The following DACH2 variants were observed in gnomAD, a reference collection of about 807,000 sequenced individuals.
The protein encoded by DACH2 is dachshund homolog 2.
DACH2 carries 17 observed loss-of-function variants against 35.8 expected under a neutral mutation model. The ratio of observed to expected loss-of-function variants is 0.48; its 90% confidence interval spans 0.33 to 0.71. The LOEUF is 0.71. DACH2 is among the 30% of genes least tolerant of loss of function. The probability of loss-of-function intolerance (pLI) is 0.02; values close to 1 mark genes in which losing one functional copy is unlikely to be tolerated. For missense variants in DACH2, 469 were observed against 472.7 expected, an observed-to-expected ratio of 0.99 and a Z score of 0.07; for synonymous variants, 195 against 177.3, an observed-to-expected ratio of 1.10 and a Z score of -0.79.
At chrX:86,730,649 G>C (rs988543372) in intron 6 of DACH2, among the ~76,000 whole-genome samples, 1 of 111,200 alleles carries the variant, frequency 9.0e-6, no homozygotes, top group African/African-American at 3.3e-5. Context: ...GATTTAAATG[G>C]GAGAGACAAA....
intron 2 of DACH2, among the ~76,000 whole-genome samples, chrX:86,507,362 C>A (rs2038338102): frequency 9.3e-6 from 1 of 107,148 alleles, no homozygotes; most frequent in African/African-American, 3.4e-5. Context: ...ATTATTTTGG[C>A]TAGTTGCAAT....
intron 2 of DACH2, among the ~76,000 whole-genome samples, chrX:86,501,895 A>G (rs75438594): frequency 9.0e-6 from 1 of 111,604 alleles, no homozygotes; most frequent in African/African-American, 3.3e-5. Context: ...AAAAAAATCA[A>G]TATATTTGGA....
At position 86,419,717 on chromosome X, in the gene DACH2, G is replaced by A. The variant is rs181319272; in HGVS notation, c.527+42855G>A. ...AATTTCATGAGAATGTTGCTGTTGT[G>A]AGGGGATTATCTCAGAAAATTATGT... On this transcript the variant is annotated intron_variant, in intron 2 of 11. Coordinates refer to ENST00000373125, the MANE Select transcript of DACH2 (RefSeq NM_053281.3). 5.4e-5 allele frequency among the ~76,000 whole-genome samples: 6 copies of A among 111,786 alleles called. No individual in the cohort carries two copies. The Admixed American group carries it at 5.7e-4, about 11-fold the overall frequency.
intron 7 of DACH2, among the ~76,000 whole-genome samples, chrX:86,780,170 C>A (rs866798049): frequency 4.4e-5 from 4 of 90,128 alleles, no homozygotes; most frequent in Admixed American, 1.3e-4. Flanking sequence ...ATATAAATAC[C>A]AAAAAAAAAA....
At chrX:86,169,934 G>A (rs1161236132) in intron 1 of DACH2, among the ~76,000 whole-genome samples, 2 of 110,718 alleles carry the variant, frequency 1.8e-5, no homozygotes, top group African/African-American at 3.3e-5. Context: ...GTGTTGAAGA[G>A]TTAGGTATTT....
intron 2 of DACH2, among the ~76,000 whole-genome samples, chrX:86,430,910 T>A (rs1196929280): frequency 8.9e-6 from 1 of 111,821 alleles, no homozygotes; most frequent in Non-Finnish European, 1.9e-5. Flanking sequence ...CGATGACATG[T>A]TTTTTGTTAC....
intron 1 of DACH2, among the ~76,000 whole-genome samples, chrX:86,176,100 A>G (rs761992830): frequency 1.9e-5 from 2 of 108,004 alleles, no homozygotes; most frequent in Admixed American, 1.9e-4. Context: ...TTTGCTAAGC[A>G]GTATGAGTAT....
chrX:86,799,096 T>G, intron 7 of DACH2: 1 of 329,701 alleles, frequency 3.0e-6, no homozygotes, highest in South Asian at 3.1e-5. Context: ...ATGGAGCAAA[T>G]AAAAAGCTAG....
chrX:86,162,930 G>C (rs930541954), intron 1 of DACH2, among the ~76,000 whole-genome samples: 2 of 110,663 alleles, frequency 1.8e-5, no homozygotes, highest in African/African-American at 6.6e-5. Context: ...TTACATAGTA[G>C]ATGTATGTAT....
intron 4 of DACH2, among the ~76,000 whole-genome samples, chrX:86,662,113 TA>T (rs1460651206): frequency 1.8e-5 from 2 of 111,987 alleles, no homozygotes; most frequent in East Asian, 2.8e-4. Context: ...TTATGCCACA[TA>T]GGGGTCATCA....
At chrX:86,737,018 C>T (rs1469050473) in intron 6 of DACH2, among the ~76,000 whole-genome samples, 1 of 111,305 alleles carries the variant, frequency 9.0e-6, no homozygotes, top group Non-Finnish European at 1.9e-5. Flanking sequence ...TATTAAATTC[C>T]TTTTATATAT....
chrX:86,830,220 G>T (rs2042599668), intron 11 of DACH2: 1 of 111,663 alleles, frequency 9.0e-6, no homozygotes, highest in Non-Finnish European at 1.9e-5. Context: ...CTTTGAGATT[G>T]CTCCAAGGAT....
intron 2 of DACH2, among the ~76,000 whole-genome samples, chrX:86,402,802 C>G (rs961163334): frequency 9.0e-6 from 1 of 111,632 alleles, no homozygotes; most frequent in Non-Finnish European, 1.9e-5. Flanking sequence ...GCTACAGTAA[C>G]CAAAAAAAGC....
chrX:86,237,729 T>C (rs1354452575), intron 1 of DACH2, among the ~76,000 whole-genome samples: 1 of 111,759 alleles, frequency 8.9e-6, no homozygotes, highest in Non-Finnish European at 1.9e-5. Flanking sequence ...TGCACATGGC[T>C]GGGCATGATG....
At chrX:86,450,242 A>G (rs1398872027) in intron 2 of DACH2, among the ~76,000 whole-genome samples, 1 of 110,542 alleles carries the variant, frequency 9.0e-6, no homozygotes, top group Non-Finnish European at 1.9e-5. Flanking sequence ...CCCCAACAAC[A>G]GGCCCCAGTG....
At chrX:86,656,824 C>T (rs6617255) in intron 4 of DACH2, among the ~76,000 whole-genome samples, 8,119 of 92,283 alleles carry the variant, frequency 0.088, 454 homozygotes, top group South Asian at 0.33. Context: ...CCATAAAATA[C>T]ATACATATGT....
intron 1 of DACH2, among the ~76,000 whole-genome samples, chrX:86,290,397 C>A (rs1490067830): frequency 2.8e-4 from 18 of 63,726 alleles, no homozygotes; most frequent in African/African-American, 1.2e-3. Context: ...ATGGTAGTTT[C>A]TTTTGCTGTG....
chrX:86,300,061 A>G (rs2034545196), intron 1 of DACH2, among the ~76,000 whole-genome samples: 1 of 111,110 alleles, frequency 9.0e-6, no homozygotes, highest in Non-Finnish European at 1.9e-5. Context: ...CCTCTGTTTC[A>G]GTTGTTTTGA....
intron 1 of DACH2, among the ~76,000 whole-genome samples, chrX:86,216,947 T>C (rs1245366922): frequency 9.1e-6 from 1 of 109,824 alleles, no homozygotes; most frequent in East Asian, 2.9e-4. Context: ...AAAAATCAGA[T>C]AGGCGTGGTG....
Sources: allele counts gnomAD v4.1 joint callset (sites outside exome capture counted in the v4.1 genomes callset), GRCh38; gene constraint gnomAD v4.1.1; transcripts MANE v1.5; gene names NCBI Gene and HGNC (gene_info 2026-07-23, HGNC 2026-07-21).